The following PRDM15 variants were observed in gnomAD, a reference collection of about 807,000 sequenced individuals.
PRDM15 encodes the protein PR domain zinc finger protein 15.
Under a neutral mutation model 128.6 loss-of-function variants are expected in PRDM15, and 64 were observed. The observed-to-expected ratio is 0.50, with a 90% CI of 0.41 to 0.61. PRDM15 has a LOEUF of 0.61. Ranked by LOEUF, PRDM15 falls within the 20% of genes least tolerant of loss-of-function variation. The pLI is 0.00. For synonymous variants in PRDM15, 615 were observed against 621.8 expected (o/e 0.99, Z 0.16); for missense variants, 1,242 against 1,569.1 (o/e 0.79, Z 3.52).
intron 1 of PRDM15, among the ~76,000 whole-genome samples, chr21:41,872,288 A>C (rs1054052089): frequency 5.9e-5 from 9 of 152,132 alleles, no homozygotes; most frequent in Non-Finnish European, 8.8e-5. Context: ...CATTTCTCAA[A>C]CTTGGATCTT....
chr21:41,826,160 G>T, intron 12 of PRDM15, 106 bp from the exon 13 acceptor site: 1 of 871,678 alleles, frequency 1.1e-6, no homozygotes. Flanking sequence ...CGGGAGGACA[G>T]GGCTGCCCAC....
rs753132848 is a variant in PRDM15, at chr21:41,847,078, C to T, written c.640+12G>A. 11 of 1,511,766 alleles carry T rather than the reference C, an allele frequency of 7.3e-6. No individual in the cohort carries two copies. Among genetic ancestry groups the T allele is most frequent in the African/African-American group, 2.8e-5 (2 of 72,276 alleles). The allele number at this position is 1,511,766 out of a possible 1,614,324, so 93.6% of individuals were successfully genotyped here. ...AGTTTTACAACTGGGGCTCCCCACA[C>T]GTCCTCCTTACCATTGAGGAGCTGC... is the stretch of plus-strand genomic sequence containing the variant. On this transcript the variant is annotated intron_variant, in intron 6 of 23. Coordinates refer to ENST00000398548, the MANE Select transcript of PRDM15 (RefSeq NM_001040424.3).
At chr21:41,807,686 C>T (rs766899451) in intron 21 of PRDM15, among the ~76,000 whole-genome samples, 6 of 152,190 alleles carry the variant, frequency 3.9e-5, no homozygotes, top group African/African-American at 1.2e-4. Context: ...CGGCCCATCA[C>T]ATCACTGGTA....
intron 1 of PRDM15, among the ~76,000 whole-genome samples, chr21:41,874,525 A>ATATATATATATATATTTTTTTTTT: frequency 4.2e-5 from 4 of 95,820 alleles, no homozygotes; most frequent in Non-Finnish European, 8.0e-5. Flanking sequence ...ATATATATAT[A>ATATATATATATATATTTTTTTTTT]TTTTTTTTTT....
At chr21:41,871,531 C>G in intron 1 of PRDM15, 4 of 1,610,764 alleles carry the variant, frequency 2.5e-6, no homozygotes, top group South Asian at 1.1e-5. Flanking sequence ...GGCCTGCACT[C>G]GCAGGGCTCA....
At chr21:41,831,664 A>G (rs11911945) in intron 11 of PRDM15, among the ~76,000 whole-genome samples, 23,182 of 152,160 alleles carry the variant, frequency 0.15, 2,450 homozygotes, top group African/African-American at 0.29. Context: ...AAGACAGGAG[A>G]CAGCAGTGGG....
In PRDM15 at chr21:41,856,234, TC is replaced by T. The variant is rs1265846993; in HGVS notation, c.285+941del. Among the ~76,000 whole-genome samples the T allele has an allele frequency of 1.9e-4, 12 of 64,540 alleles. 2 individuals carry two copies. Among genetic ancestry groups the T allele is most frequent in the African/African-American group, 8.5e-4 (11 of 13,006 alleles). The allele number at this position is 64,540 out of a possible 152,430, so 42.3% of individuals were successfully genotyped here. ...CCTTCCCTCCCTCCCCTCCCTTCCT[TC>T]CCTTCCTTCCTTCCCTCCCTCCCCT... On this transcript the variant is annotated intron_variant, in intron 4 of 23. Transcript: ENST00000398548.
chr21:41,810,041 G>T lies in PRDM15; in HGVS notation c.2652+113C>A. On this transcript the variant is annotated intron_variant, in intron 21 of 23. Coordinates refer to ENST00000398548, the MANE Select transcript of PRDM15 (RefSeq NM_001040424.3). This position sits in a 1 kb window ranked among gnomAD's most constrained non-coding sequence, Gnocchi z 6.4. ...GTCACAGACGCACCTAAGACTCAGGGCCTGCCTCCAGTACTGGGGGTCTGC... is the reference window on the plus strand; with the variant it reads ...GTCACAGACGCACCTAAGACTCAGGTCCTGCCTCCAGTACTGGGGGTCTGC... The T allele has an allele frequency of 3.7e-6, 4 of 1,070,244 alleles. No individual in the cohort carries two copies. The highest frequency in any genetic ancestry group is 5.4e-6 in the Non-Finnish European group (4 of 746,348). The allele number at this position is 1,070,244 out of a possible 1,614,324, so 66.3% of individuals were successfully genotyped here.
chr21:41,842,384 A>T (rs902135482), intron 6 of PRDM15, among the ~76,000 whole-genome samples: 1 of 152,234 alleles, frequency 6.6e-6, no homozygotes, highest in Non-Finnish European at 1.5e-5. Flanking sequence ...CCACAATCTC[A>T]CCAACATATT....
intron 23 of PRDM15, 99 bp from the exon 24 acceptor site, chr21:41,801,821 C>T: frequency 2.3e-6 from 3 of 1,311,972 alleles, no homozygotes; most frequent in Non-Finnish European, 3.1e-6. Context: ...ACCAAAGAAG[C>T]ACGACATTCT....
chr21:41,868,050 AAAAAG>A (rs2064076511), intron 1 of PRDM15, among the ~76,000 whole-genome samples: 1 of 152,296 alleles, frequency 6.6e-6, no homozygotes, highest in African/African-American at 2.4e-5. Context: ...AAAAAAAAAA[AAAAAG>A]AATGTCATAT....
chr21:41,877,674 T>G (rs976910096), intron 1 of PRDM15: 1 of 152,226 alleles, frequency 6.6e-6, no homozygotes, highest in Non-Finnish European at 1.5e-5. Context: ...ACATCCTAAG[T>G]GAAAAGAGTT....
rs938899573 is a variant in PRDM15 at position 41,821,889 on chromosome 21, C to T, written c.1896+14G>A. 1.9e-6 allele frequency: 3 copies of T among 1,613,032 alleles called. No individual in the cohort carries two copies. Among genetic ancestry groups the T allele is most frequent in the African/African-American group, 2.7e-5 (2 of 74,906 alleles). On this transcript the variant is annotated intron_variant, in intron 15 of 23. Coordinates refer to ENST00000398548, the MANE Select transcript of PRDM15 (RefSeq NM_001040424.3). The surrounding 1 kb of genome is among the most constrained non-coding windows in gnomAD (Gnocchi z 5.4). Reference sequence around the variant, plus strand: ...TCCAGACCACCCAGGCACCGCGGGGCAAACCCGCCATACCTGGCACCGCTT... The same window carrying T: ...TCCAGACCACCCAGGCACCGCGGGGTAAACCCGCCATACCTGGCACCGCTT...
chr21:41,806,066 T>TCACCAC (rs1568880283), intron 21 of PRDM15, among the ~76,000 whole-genome samples: 14 of 7,604 alleles, frequency 1.8e-3, no homozygotes, highest in Non-Finnish European at 2.8e-3. Flanking sequence ...ACCATCACCA[T>TCACCAC]CACCACCACC....
rs780376853 is a variant in PRDM15 at position 41,835,549 on chromosome 21, T to G, written c.1279-25A>C. ...CCTGGTCAGAGGGACACGCCGTGAG[T>G]GAGATGGCCCAGCGCAGAGTCCACA... On this transcript the variant is annotated intron_variant, in intron 10 of 23. Coordinates refer to ENST00000398548, the MANE Select transcript of PRDM15 (RefSeq NM_001040424.3). 55 of 1,593,016 alleles carry G rather than the reference T, an allele frequency of 3.5e-5. No homozygotes were observed. The Middle Eastern group carries it at 8.3e-4, about 24-fold the overall frequency.
At chr21:41,850,442 A>G (rs1033042243) in intron 5 of PRDM15, among the ~76,000 whole-genome samples, 2 of 152,060 alleles carry the variant, frequency 1.3e-5, no homozygotes, top group Non-Finnish European at 2.9e-5. Context: ...TGAGCTCAAG[A>G]ACAAGTTAAG....
chr21:41,823,284 G>C (rs2062350297), intron 14 of PRDM15, 34 bp downstream of exon 14: 1 of 1,603,086 alleles, frequency 6.2e-7, no homozygotes, highest in African/African-American at 1.3e-5. Flanking sequence ...CCTGCCGTGA[G>C]CATGCCTGGG....
At chr21:41,852,911 G>C (rs78428057) in intron 5 of PRDM15, among the ~76,000 whole-genome samples, 1,694 of 152,332 alleles carry the variant, frequency 0.011, 13 homozygotes, top group Non-Finnish European at 0.017. Flanking sequence ...TCCAATGACG[G>C]GTGGTCTTAT....
chr21:41,819,468 C>T lies in PRDM15; in HGVS notation c.2260+114G>A. The stretch of plus-strand genomic sequence containing the variant: ...CTCGGCCCGTGGCCCCGGCCCCCGC[C>T]CCCGCCACACCCACCTTCCCCACAC... On this transcript the variant is annotated intron_variant, in intron 18 of 23. Transcript: ENST00000398548. 4.8e-6 allele frequency: 3 copies of T among 626,146 alleles called. 1 individual carries two copies. The highest frequency in any genetic ancestry group is 7.4e-6 in the Non-Finnish European group (3 of 405,002). 38.8% of individuals were successfully genotyped at this position (626,146 alleles called of 1,614,324 possible).
Sources: gnomAD v4.1 joint callset for allele counts (sites outside exome capture counted in the v4.1 genomes callset) on GRCh38, gnomAD v4.1.1 for gene constraint, Gnocchi (gnomAD v3.1) non-coding constraint, MANE v1.5 for transcripts, NCBI Gene and HGNC (gene_info 2026-07-23, HGNC 2026-07-21) for gene names.